The following EMID1 variants were observed in gnomAD, a reference collection of about 807,000 sequenced individuals.
EMID1 encodes EMI domain containing 1, also known as EMI domain-containing protein 1.
EMID1 carries 40 observed loss-of-function variants against 60.6 expected under a neutral mutation model. That is an observed-to-expected ratio of 0.66 (90% CI 0.51 to 0.86). EMID1 has a LOEUF of 0.86. EMID1 is among the 40% of genes least tolerant of loss of function. The pLI is 0.00. For missense variants in EMID1, 585 were observed against 597.1 expected (o/e 0.98, Z 0.21); for synonymous variants, 242 against 231.0 (o/e 1.05, Z -0.43).
intron 13 of EMID1, among the ~76,000 whole-genome samples, chr22:29,253,365 C>G (rs1363001927): frequency 6.6e-6 from 1 of 152,186 alleles, no homozygotes; most frequent in East Asian, 1.9e-4. Flanking sequence ...GGCAGATCAC[C>G]TGAGGTCAGG....
intron 12 of EMID1, among the ~76,000 whole-genome samples, chr22:29,237,372 G>C (rs1702912042): frequency 7.0e-6 from 1 of 142,362 alleles, no homozygotes; most frequent in Non-Finnish European, 1.5e-5. Context: ...GTAGAGACAG[G>C]GTTTCACCAT....
intron 3 of EMID1, chr22:29,216,773 AC>A: frequency 1.7e-6 from 1 of 600,922 alleles, no homozygotes; most frequent in Non-Finnish European, 2.1e-6. Context: ...TTCAGAACTC[AC>A]CACGCAGTGG....
chr22:29,215,324 C>A, intron 2 of EMID1: 1 of 965,558 alleles, frequency 1.0e-6, no homozygotes, highest in South Asian at 4.8e-5. Flanking sequence ...TCTTGTCCAG[C>A]TGGTATCCAA....
In EMID1 at chr22:29,232,372, G is replaced by A; in HGVS notation, c.793G>A (p.Gly265Arg). ...PGPPGPPAPV[G>R]PPHARISQHG... ...CCCCCCTGGGCCCCCAGCCCCTGTT[G>A]GGCCACCCCATGCCCGGATCTCCCA... Residue 265 changes from glycine to arginine, a missense_variant, in exon 8 of 15, where the codon GGG becomes AGG. Transcript: ENST00000334018. 1.3e-6 allele frequency: 2 copies of A among 1,598,728 alleles called. No individual in the cohort carries two copies. The highest frequency in any genetic ancestry group is 1.7e-6 in the Non-Finnish European group (2 of 1,174,474).
At chr22:29,250,733 ATTTTTTTT>A (rs748172215) in intron 13 of EMID1, among the ~76,000 whole-genome samples, 11 of 22,484 alleles carry the variant, frequency 4.9e-4, no homozygotes, top group Non-Finnish European at 9.0e-4. Context: ...CACCCGGCTA[ATTTTTTTT>A]TTTTTTTTTT....
chr22:29,256,324 G>A (rs930625092), intron 14 of EMID1, among the ~76,000 whole-genome samples: 1 of 151,980 alleles, frequency 6.6e-6, no homozygotes, highest in African/African-American at 2.4e-5. Flanking sequence ...AATTAGTTGG[G>A]TGTGGTGGCG....
intron 5 of EMID1, 40 bp from the exon 6 acceptor site, chr22:29,230,980 G>A (rs778173681): frequency 1.3e-6 from 2 of 1,596,100 alleles, no homozygotes; most frequent in African/African-American, 2.7e-5. Flanking sequence ...GGGTCCTAGT[G>A]AGACCCTGGT....
intron 12 of EMID1, among the ~76,000 whole-genome samples, chr22:29,234,658 T>C (rs892626982): frequency 2.6e-5 from 4 of 152,136 alleles, no homozygotes; most frequent in East Asian, 3.8e-4. Flanking sequence ...CTCTTTAATT[T>C]GGTGAATTTT....
intron 13 of EMID1, 87 bp downstream of exon 13, chr22:29,243,576 G>A: frequency 6.7e-7 from 1 of 1,500,050 alleles, no homozygotes. Flanking sequence ...GGCCCTGGGA[G>A]TGGGAGCATC....
At chr22:29,236,484 A>G (rs568498096) in intron 12 of EMID1, among the ~76,000 whole-genome samples, 4 of 152,226 alleles carry the variant, frequency 2.6e-5, no homozygotes, top group African/African-American at 9.6e-5. Flanking sequence ...TGAGGTCAGG[A>G]GTTTGAGACC....
chr22:29,231,473 TAG>T (rs2040741134), intron 6 of EMID1, 118 bp from the exon 7 acceptor site: 2 of 1,064,202 alleles, frequency 1.9e-6, no homozygotes, highest in African/African-American at 1.6e-5. Context: ...CCAGGAGCCA[TAG>T]AGAGTGTGAG....
intron 1 of EMID1, among the ~76,000 whole-genome samples, chr22:29,208,460 T>G (rs537197282): frequency 1.3e-5 from 2 of 152,184 alleles, no homozygotes; most frequent in African/African-American, 4.8e-5. Context: ...GCCTGGAGTC[T>G]GCTTCCTTTA....
chr22:29,241,669 G>A (rs9625746), intron 12 of EMID1, among the ~76,000 whole-genome samples: 1 of 151,866 alleles, frequency 6.6e-6, no homozygotes, highest in South Asian at 2.1e-4. Flanking sequence ...GATTACAGGC[G>A]TGAGCTACCG....
chr22:29,249,397 G>A (rs5763100), intron 13 of EMID1, among the ~76,000 whole-genome samples: 87,457 of 151,216 alleles, frequency 0.58, 25,499 homozygotes, highest in Middle Eastern at 0.64. Context: ...TTCTTGAGTA[G>A]TTGGGATTAC....
In EMID1 at chr22:29,207,874, TGGG is replaced by T. The variant is rs144918399; in HGVS notation, c.101+1738_101+1740del. 9.6e-3 allele frequency among the ~76,000 whole-genome samples: 1,467 copies of T among 152,238 alleles called. 20 individuals carry two copies. The highest frequency in any genetic ancestry group is 0.033 in the African/African-American group (1,356 of 41,526). On this transcript the variant is annotated intron_variant, in intron 1 of 14. Coordinates refer to ENST00000334018, the MANE Select transcript of EMID1 (RefSeq NM_133455.4). ...GGAAGAGGGAAAGAGGTTGTCGGCT[TGGG>T]GGCACCAGGAAAGGTTTGCAGTCAT...
intron 14 of EMID1, chr22:29,255,485 C>T: frequency 1.4e-6 from 1 of 710,564 alleles, no homozygotes; most frequent in Non-Finnish European, 2.2e-6. Flanking sequence ...TTCATCCAGC[C>T]AGCCAGCCAG....
At chr22:29,225,294 G>A in intron 4 of EMID1, 78 bp downstream of exon 4, 1 of 1,468,050 alleles carries the variant, frequency 6.8e-7, no homozygotes, top group Non-Finnish European at 9.4e-7. Flanking sequence ...TTTGGTAACT[G>A]TCCTAAAAGC....
chr22:29,232,065 C>T, intron 7 of EMID1, 191 bp from the exon 8 acceptor site: 1 of 632,698 alleles, frequency 1.6e-6, no homozygotes, highest in Admixed American at 3.0e-5. Flanking sequence ...GGAAGGAAGA[C>T]TCAGCCTGGA....
At chr22:29,225,093 G>A in intron 3 of EMID1, 40 bp from the exon 4 acceptor site, 1 of 1,608,196 alleles carries the variant, frequency 6.2e-7, no homozygotes, top group Non-Finnish European at 8.5e-7. Context: ...GAGGAGGCAA[G>A]GATCACATGC....
Sources: gnomAD v4.1 joint callset for allele counts (sites outside exome capture counted in the v4.1 genomes callset) on GRCh38, gnomAD v4.1.1 for gene constraint, MANE v1.5 for transcripts, NCBI Gene and HGNC (gene_info 2026-07-23, HGNC 2026-07-21) for gene names.